Variants in CSMD3 observed in about 807,000 individuals in gnomAD.
The protein encoded by CSMD3 is CUB and sushi domain-containing protein 3.
Under a neutral mutation model 435.2 loss-of-function variants are expected in CSMD3, and 177 were observed. That is an observed-to-expected ratio of 0.41 (90% CI 0.36 to 0.46). CSMD3 has a LOEUF of 0.46. Ranked by LOEUF, CSMD3 falls within the 20% of genes least tolerant of loss-of-function variation. The probability of loss-of-function intolerance (pLI) is 0.34; values close to 1 mark genes in which losing one functional copy is unlikely to be tolerated. For synonymous variants in CSMD3, 1,656 were observed against 1,520.5 expected (o/e 1.09, Z -2.07); for missense variants, 4,265 against 4,504.6 (o/e 0.95, Z 1.52).
In CSMD3 at chr8:112,319,938, A is replaced by G; in HGVS notation, c.7209T>C (p.Asn2403=). The G allele has an allele frequency of 6.2e-7, 1 of 1,613,156 alleles. No individual in the cohort carries two copies. Among genetic ancestry groups the G allele is most frequent in the African/African-American group, 1.3e-5 (1 of 74,986 alleles). Residue 2403 remains asparagine, a synonymous_variant, in exon 46 of 71, where the codon AAT becomes AAC. Transcript: ENST00000297405. ...CATCATCTTCCGTCAAAATTTCAGC[A>G]TTGGGCACAGGTGGTGGAGGTTGGC... ...RVCQPPPPVP[N]AEILTEDDEF...
intron 59 of CSMD3, among the ~76,000 whole-genome samples, chr8:112,277,277 C>A (rs1818160396): frequency 6.6e-6 from 1 of 152,146 alleles, no homozygotes; most frequent in African/African-American, 2.4e-5. Flanking sequence ...CCACCAGATA[C>A]CGTAAATCAT....
chr8:112,968,664 T>G (rs2084520184), intron 7 of CSMD3, among the ~76,000 whole-genome samples: 1 of 151,940 alleles, frequency 6.6e-6, no homozygotes, highest in Non-Finnish European at 1.5e-5. Context: ...TGGTAATTCT[T>G]TCTCTTATAA....
At chr8:112,948,012 A>G (rs1209570160) in intron 8 of CSMD3, 135 bp from the exon 9 acceptor site, 1 of 566,438 alleles carries the variant, frequency 1.8e-6, no homozygotes, top group East Asian at 2.9e-5. Context: ...AGCATTTGTT[A>G]AACTATAATT....
intron 3 of CSMD3, among the ~76,000 whole-genome samples, chr8:113,176,716 C>G (rs1160648896): frequency 1.3e-5 from 2 of 151,680 alleles, no homozygotes; most frequent in South Asian, 4.2e-4. Context: ...AATGAGAACA[C>G]ATGGACACAG....
chr8:112,658,186 T>C (rs2075299859), intron 17 of CSMD3, among the ~76,000 whole-genome samples: 1 of 152,198 alleles, frequency 6.6e-6, no homozygotes, highest in Non-Finnish European at 1.5e-5. Flanking sequence ...TTATCTCCAG[T>C]ACACTTTAAA....
intron 16 of CSMD3, among the ~76,000 whole-genome samples, chr8:112,671,076 T>G (rs2075644890): frequency 6.6e-6 from 1 of 152,128 alleles, no homozygotes; most frequent in Non-Finnish European, 1.5e-5. Flanking sequence ...TGGGATAATT[T>G]TAGCAAGTAA....
intron 24 of CSMD3, among the ~76,000 whole-genome samples, chr8:112,564,354 C>A (rs929009250): frequency 1.3e-4 from 19 of 149,572 alleles, no homozygotes; most frequent in Non-Finnish European, 2.8e-4. Flanking sequence ...CCCCTCCTTT[C>A]TCCCCTCCCT....
At chr8:113,181,243 A>G (rs892659001) in intron 3 of CSMD3, among the ~76,000 whole-genome samples, 15 of 152,026 alleles carry the variant, frequency 9.9e-5, no homozygotes, top group African/African-American at 3.4e-4. Context: ...TTAAAAAAAT[A>G]TTTAGATAAG....
At chr8:112,348,661 C>A (rs535597640) in intron 40 of CSMD3, among the ~76,000 whole-genome samples, 1 of 152,162 alleles carries the variant, frequency 6.6e-6, no homozygotes, top group African/African-American at 2.4e-5. Flanking sequence ...CACTGGTATA[C>A]CGAGGCAGGC....
In CSMD3 at chr8:112,510,930, A is replaced by G. The variant is rs1262466797; in HGVS notation, c.4757-4101T>C. Among the ~76,000 whole-genome samples, 4 of 152,344 alleles carry G rather than the reference A, an allele frequency of 2.6e-5. No individual in the cohort carries two copies. The South Asian group carries it at 6.2e-4, about 24-fold the overall frequency. ...TGAAGATGACTGTAGAGATGGATGC[A>G]CAATCTAATTTGTAGCTATGTGTTT... is the stretch of plus-strand genomic sequence containing the variant. On this transcript the variant is annotated intron_variant, in intron 28 of 70. Transcript: ENST00000297405.
At chr8:113,425,415 A>G (rs1645169406) in intron 1 of CSMD3, among the ~76,000 whole-genome samples, 1 of 151,478 alleles carries the variant, frequency 6.6e-6, no homozygotes, top group African/African-American at 2.4e-5. Context: ...TAATTAGAAT[A>G]TAAAGTCTTT....
At chr8:113,419,279 G>A (rs979570000) in intron 1 of CSMD3, among the ~76,000 whole-genome samples, 4 of 151,608 alleles carry the variant, frequency 2.6e-5, no homozygotes, top group Non-Finnish European at 5.9e-5. Flanking sequence ...CACCACGCCT[G>A]GATAATTTTT....
At chr8:112,351,334 T>G in intron 39 of CSMD3, 90 bp from the exon 40 acceptor site, 1 of 859,286 alleles carries the variant, frequency 1.2e-6, no homozygotes. Flanking sequence ...AAAAACAAGC[T>G]TAAGTACATG....
At chr8:113,322,635 A>T (rs2093956835) in intron 1 of CSMD3, among the ~76,000 whole-genome samples, 1 of 152,206 alleles carries the variant, frequency 6.6e-6, no homozygotes, top group African/African-American at 2.4e-5. Context: ...AACTGCTAAA[A>T]TTTTGATTGG....
At chr8:112,583,205 G>A (rs1039879039) in intron 23 of CSMD3, among the ~76,000 whole-genome samples, 6 of 151,994 alleles carry the variant, frequency 3.9e-5, no homozygotes, top group African/African-American at 1.4e-4. Context: ...AAGAAACAAG[G>A]AAGCAAGAAT....
chr8:112,575,633 T>C (rs1162049798), intron 23 of CSMD3, among the ~76,000 whole-genome samples: 1 of 152,130 alleles, frequency 6.6e-6, no homozygotes, highest in African/African-American at 2.4e-5. Context: ...TCAGCAAGAA[T>C]GTATCTGTCT....
At chr8:112,740,297 A>G (rs953855474) in intron 13 of CSMD3, among the ~76,000 whole-genome samples, 22 of 151,858 alleles carry the variant, frequency 1.4e-4, no homozygotes, top group Admixed American at 1.4e-3. Context: ...CCTCTTGGCC[A>G]TGTTTTGATG....
intron 10 of CSMD3, among the ~76,000 whole-genome samples, chr8:112,900,283 T>C (rs933953119): frequency 1.3e-5 from 2 of 151,290 alleles, no homozygotes; most frequent in Non-Finnish European, 3.0e-5. Flanking sequence ...TGTTCTGGAC[T>C]AGTTTTTCAA....
chr8:113,040,446 C>A (rs2087558398), intron 5 of CSMD3, among the ~76,000 whole-genome samples: 2 of 152,092 alleles, frequency 1.3e-5, no homozygotes, highest in Admixed American at 1.3e-4. Flanking sequence ...AGGGCAGGGA[C>A]AGGTGGAAGT....
Sources: gnomAD v4.1 joint callset for allele counts (sites outside exome capture counted in the v4.1 genomes callset) on GRCh38, gnomAD v4.1.1 for gene constraint, MANE v1.5 for transcripts, NCBI Gene and HGNC (gene_info 2026-07-23, HGNC 2026-07-21) for gene names.